The following MINDY4 variants were observed in gnomAD, a reference collection of about 807,000 sequenced individuals.
MINDY4 encodes probable ubiquitin carboxyl-terminal hydrolase MINDY-4.
In MINDY4, 68 loss-of-function variants were observed where a neutral mutation model predicts 87.0. The observed-to-expected ratio is 0.78, with a 90% CI of 0.64 to 0.96. The LOEUF (loss-of-function observed/expected upper bound fraction) is 0.96, where lower values mean the gene tolerates loss of function less well. Ranked by LOEUF, MINDY4 falls within the 40% of genes least tolerant of loss-of-function variation. The pLI, the probability that MINDY4 is intolerant of heterozygous loss-of-function variation, is 0.00. For synonymous variants in MINDY4, 379 were observed against 363.2 expected (o/e 1.04, Z -0.50); for missense variants, 919 against 928.2 (o/e 0.99, Z 0.13).
At chr7:30,855,527 T>G (rs1308108889) in intron 12 of MINDY4, among the ~76,000 whole-genome samples, 2 of 152,160 alleles carry the variant, frequency 1.3e-5, no homozygotes, top group Admixed American at 6.5e-5. Flanking sequence ...CTGGTGAGGC[T>G]TCAGGGGCTA....
chr7:30,850,354 G>A, intron 9 of MINDY4, 100 bp from the exon 10 acceptor site: 1 of 1,094,600 alleles, frequency 9.1e-7, no homozygotes, highest in Non-Finnish European at 1.3e-6. Flanking sequence ...GAAAGAACAG[G>A]CCATCTGCGG....
At chr7:30,789,728 A>G (rs1037569847) in intron 4 of MINDY4, among the ~76,000 whole-genome samples, 1 of 152,158 alleles carries the variant, frequency 6.6e-6, no homozygotes, top group East Asian at 1.9e-4. Flanking sequence ...AGGCTTTACT[A>G]TTTGGTCTTG....
At position 30,778,461 on chromosome 7, in the gene MINDY4, C is replaced by G. The variant is rs775370060; in HGVS notation, c.93C>G (p.Asp31Glu). 3.7e-6 allele frequency: 6 copies of G among 1,614,052 alleles called. No homozygotes were observed. The highest frequency in any genetic ancestry group is 2.5e-6 in the Non-Finnish European group (3 of 1,180,020). ...TAAAGAAGACATGTGTGACCATGGACCAGGAACGCCCACGCTCTGACCTCA... is the reference window on the plus strand; with the variant it reads ...TAAAGAAGACATGTGTGACCATGGAGCAGGAACGCCCACGCTCTGACCTCA... The part of the protein sequence containing the change: ...KGLKKTCVTM[D>E]QERPRSDLSI... Residue 31 changes from aspartate (D) to glutamate (E), a missense_variant, in exon 2 of 18, where the codon GAC becomes GAG. Asp to Glu is a conservative substitution (Grantham distance 45). Transcript: ENST00000265299.
rs549248311 is a variant in MINDY4 at position 30,868,971 on chromosome 7, C to A, written c.1746-3272C>A. Among the ~76,000 whole-genome samples, 5 of 152,336 alleles carry A rather than the reference C, an allele frequency of 3.3e-5. No individual in the cohort carries two copies. The East Asian group carries it at 9.7e-4, about 29-fold the overall frequency. On this transcript the variant is annotated intron_variant, in intron 13 of 17. Coordinates refer to ENST00000265299, the MANE Select transcript of MINDY4 (RefSeq NM_032222.3). Reference sequence around the variant, plus strand: ...AGCCTATTCTGTGAGTTTTCACCCCCTGGTCAAGCCCATCTCTCCTTTGTG... The same window carrying A: ...AGCCTATTCTGTGAGTTTTCACCCCATGGTCAAGCCCATCTCTCCTTTGTG...
chr7:30,813,529 A>G (rs1419534994), intron 5 of MINDY4, among the ~76,000 whole-genome samples: 1 of 152,156 alleles, frequency 6.6e-6, no homozygotes, highest in Non-Finnish European at 1.5e-5. Context: ...CAGCTGAGGA[A>G]CCTCAGCAGA....
intron 5 of MINDY4, among the ~76,000 whole-genome samples, chr7:30,820,903 A>C (rs1788309739): frequency 6.6e-6 from 1 of 152,218 alleles, no homozygotes; most frequent in South Asian, 2.1e-4. Context: ...CTTTTTGAGG[A>C]ACTCCCAGAC....
intron 5 of MINDY4, among the ~76,000 whole-genome samples, chr7:30,819,728 ATAAG>A (rs1225445751): frequency 6.6e-6 from 1 of 152,052 alleles, no homozygotes; most frequent in East Asian, 1.9e-4. Context: ...TTATTCTCTA[ATAAG>A]TAAGTTTATC....
chr7:30,861,775 C>T (rs1217124012), intron 13 of MINDY4, among the ~76,000 whole-genome samples: 3 of 152,256 alleles, frequency 2.0e-5, no homozygotes, highest in African/African-American at 7.2e-5. Context: ...TGTTTCCTTG[C>T]CTGCAGCCTT....
At chr7:30,883,053 T>G in intron 17 of MINDY4, 60 bp downstream of exon 17, 2 of 1,553,296 alleles carry the variant, frequency 1.3e-6, no homozygotes, top group South Asian at 2.3e-5. Flanking sequence ...GGAGCCATGG[T>G]TGGGGGTGGT....
intron 6 of MINDY4, among the ~76,000 whole-genome samples, chr7:30,831,496 A>C (rs1294081362): frequency 6.6e-6 from 1 of 152,184 alleles, no homozygotes; most frequent in African/African-American, 2.4e-5. Flanking sequence ...AGAGAAAGGC[A>C]ACAGGGGGGC....
intron 5 of MINDY4, among the ~76,000 whole-genome samples, chr7:30,792,571 G>A (rs1436461194): frequency 4.6e-5 from 7 of 152,150 alleles, no homozygotes; most frequent in African/African-American, 1.7e-4. Context: ...TTCTTCTTGT[G>A]TAAGTTTTGG....
intron 4 of MINDY4, among the ~76,000 whole-genome samples, chr7:30,790,596 A>G (rs1252169203): frequency 1.3e-5 from 2 of 152,016 alleles, no homozygotes; most frequent in East Asian, 3.9e-4. Context: ...GTCATGCACC[A>G]CCAAGCCTGG....
At chr7:30,883,789 G>T (rs192894348) in intron 17 of MINDY4, among the ~76,000 whole-genome samples, 3 of 152,144 alleles carry the variant, frequency 2.0e-5, no homozygotes, top group East Asian at 1.9e-4. Flanking sequence ...GGTCCCTTCT[G>T]GGGGAGCAGT....
intron 12 of MINDY4, among the ~76,000 whole-genome samples, chr7:30,854,388 C>G (rs1789510987): frequency 6.6e-6 from 1 of 152,160 alleles, no homozygotes; most frequent in Non-Finnish European, 1.5e-5. Context: ...TAATGATGCT[C>G]TAAGGGCAGC....
chr7:30,771,467 C>T lies in MINDY4; in HGVS notation c.-27C>T. 6.3e-7 allele frequency: 1 copy of T among 1,594,620 alleles called. No homozygotes were observed. Among genetic ancestry groups the T allele is most frequent in the Non-Finnish European group, 8.5e-7 (1 of 1,172,090 alleles). On this transcript the variant is annotated 5_prime_UTR_variant, in exon 1 of 18. Coordinates refer to ENST00000265299, the MANE Select transcript of MINDY4 (RefSeq NM_032222.3). ...CCTGGTGCTGCGGCCCGGCGTGGGCCTCGTGGGCAGAGCCAGAGCCAGAGC... is the reference window on the plus strand; with the variant it reads ...CCTGGTGCTGCGGCCCGGCGTGGGCTTCGTGGGCAGAGCCAGAGCCAGAGC...
chr7:30,877,984 C>T (rs1395894446), intron 15 of MINDY4, among the ~76,000 whole-genome samples: 3 of 151,666 alleles, frequency 2.0e-5, no homozygotes, highest in African/African-American at 2.4e-5. Context: ...CTGGCCCCTT[C>T]CCTCTTCTTT....
chr7:30,857,131 T>G (rs142753822), intron 12 of MINDY4, among the ~76,000 whole-genome samples: 1 of 152,334 alleles, frequency 6.6e-6, no homozygotes, highest in East Asian at 1.9e-4. Flanking sequence ...AAGTAAATGA[T>G]GTCCTCAGGG....
At chr7:30,823,691 T>G (rs571425418) in intron 5 of MINDY4, among the ~76,000 whole-genome samples, 3 of 152,336 alleles carry the variant, frequency 2.0e-5, no homozygotes, top group African/African-American at 7.2e-5. Context: ...TCTCTGAGAT[T>G]TTTGCTCCAT....
At chr7:30,777,824 AG>A (rs1387985463) in intron 1 of MINDY4, among the ~76,000 whole-genome samples, 1 of 152,256 alleles carries the variant, frequency 6.6e-6, no homozygotes, top group African/African-American at 2.4e-5. Context: ...ACTTGCGAAC[AG>A]GACCCTCACT....
Sources: gnomAD v4.1 joint callset for allele counts (sites outside exome capture counted in the v4.1 genomes callset) on GRCh38, gnomAD v4.1.1 for gene constraint, MANE v1.5 for transcripts, NCBI Gene and HGNC (gene_info 2026-07-23, HGNC 2026-07-21) for gene names.